GALNT1: variants seen among roughly 807,000 people sequenced by gnomAD.
GALNT1 encodes polypeptide N-acetylgalactosaminyltransferase 1, also known as GalNAc transferase 1.
In GALNT1, 17 loss-of-function variants were observed where a neutral mutation model predicts 65.7. That is an observed-to-expected ratio of 0.26 (90% CI 0.18 to 0.39). The LOEUF (loss-of-function observed/expected upper bound fraction) is 0.39, where lower values mean the gene tolerates loss of function less well. Among genes scored for constraint, GALNT1 ranks in the 10% least tolerant of loss-of-function variants. The pLI is 1.00. For missense variants in GALNT1, 460 were observed against 672.8 expected, an observed-to-expected ratio of 0.68 and a Z score of 3.50; for synonymous variants, 210 against 219.7, an observed-to-expected ratio of 0.96 and a Z score of 0.39.
chr18:35,632,232 A>C (rs1598789676), intron 1 of GALNT1, among the ~76,000 whole-genome samples: 2 of 152,170 alleles, frequency 1.3e-5, no homozygotes, highest in Non-Finnish European at 2.9e-5. Flanking sequence ...AAAAGAGCCC[A>C]CATTGTCAAG....
chr18:35,632,249 C>A (rs1322041167), intron 1 of GALNT1, among the ~76,000 whole-genome samples: 1 of 152,138 alleles, frequency 6.6e-6, no homozygotes, highest in African/African-American at 2.4e-5. Context: ...CAAGTCAATC[C>A]TAAGCCAAAA....
At chr18:35,595,082 G>A (rs912218704) in intron 1 of GALNT1, among the ~76,000 whole-genome samples, 20 of 151,760 alleles carry the variant, frequency 1.3e-4, no homozygotes, top group Admixed American at 7.2e-4. Context: ...TTTGGGATGG[G>A]GCCTAAATGA....
intron 4 of GALNT1, among the ~76,000 whole-genome samples, chr18:35,681,565 T>TGA (rs2047786796): frequency 6.6e-6 from 1 of 152,102 alleles, no homozygotes; most frequent in Non-Finnish European, 1.5e-5. Flanking sequence ...TAGATTGCTT[T>TGA]AGTTCTGAAG....
intron 5 of GALNT1, 45 bp from the exon 6 acceptor site, chr18:35,686,971 C>T: frequency 6.4e-7 from 1 of 1,562,088 alleles, no homozygotes; most frequent in Non-Finnish European, 8.7e-7. Flanking sequence ...TGGCATTAAA[C>T]AGGAATGTTT....
chr18:35,708,820 A>T (rs1466801827), intron 11 of GALNT1, among the ~76,000 whole-genome samples: 2 of 152,234 alleles, frequency 1.3e-5, no homozygotes, highest in African/African-American at 4.8e-5. Flanking sequence ...ATGTCTGTTA[A>T]CCATTTATTA....
At chr18:35,636,682 A>G (rs979309547) in intron 1 of GALNT1, among the ~76,000 whole-genome samples, 3 of 152,202 alleles carry the variant, frequency 2.0e-5, no homozygotes, top group Admixed American at 1.3e-4. Flanking sequence ...ATCATTGGAC[A>G]AAATAAATAT....
Position 35,606,821 on chromosome 18 carries a change from T to TTGTGTGTG in GALNT1, c.-104+25003_-104+25010dup, listed in dbSNP as rs10526510. ...CAGATCAGATCTCTTTGTTGATGTT[T>TTGTGTGTG]TGTGTGTGTGTGTGTGTGTGTGTGT... On this transcript the variant is annotated intron_variant, in intron 1 of 11. Coordinates refer to ENST00000269195, the MANE Select transcript of GALNT1 (RefSeq NM_020474.4). 2.5e-3 allele frequency among the ~76,000 whole-genome samples: 337 copies of TTGTGTGTG among 135,650 alleles called. 3 individuals are homozygous for TTGTGTGTG. Among genetic ancestry groups the TTGTGTGTG allele is most frequent in the African/African-American group, 4.7e-3 (168 of 35,414 alleles). The allele number at this position is 135,650 out of a possible 152,430, so 89.0% of individuals were successfully genotyped here. A position where few individuals can be genotyped will look rare whatever the true frequency, so the allele number is the denominator to read the frequency against.
intron 11 of GALNT1, among the ~76,000 whole-genome samples, chr18:35,705,514 G>A (rs2048242061): frequency 6.6e-6 from 1 of 152,166 alleles, no homozygotes; most frequent in African/African-American, 2.4e-5. Flanking sequence ...CATTGGAAAT[G>A]GCCTGAATGC....
chr18:35,673,947 T>G (rs1425215445), intron 3 of GALNT1, among the ~76,000 whole-genome samples: 3 of 152,198 alleles, frequency 2.0e-5, no homozygotes, highest in African/African-American at 7.2e-5. Flanking sequence ...ACTACACACC[T>G]AGGCTATATG....
chr18:35,583,566 C>T (rs1483052041), intron 1 of GALNT1, among the ~76,000 whole-genome samples: 1 of 152,142 alleles, frequency 6.6e-6, no homozygotes, highest in Non-Finnish European at 1.5e-5. Flanking sequence ...GCAATAAGCA[C>T]TTGGTATAAA....
At chr18:35,581,410 G>A (rs1189267924), upstream of GALNT1, 19 of 148,100 alleles carry the variant, frequency 1.3e-4, no homozygotes, top group African/African-American at 4.6e-4. Context: ...TGGGCTCGCC[G>A]CAGCGGAGGG....
chr18:35,634,132 C>T lies in GALNT1; in HGVS notation c.-103-20428C>T, dbSNP rs116865424. On this transcript the variant is annotated intron_variant, in intron 1 of 11. Transcript: ENST00000269195. ...AGAAATAATACCATTTAAAATTTAC[C>T]AAGTGTTTACTGTCATGTATGAGTG... 3.4e-4 allele frequency among the ~76,000 whole-genome samples: 52 copies of T among 152,182 alleles called. 1 individual carries two copies. The highest frequency in any genetic ancestry group is 6.3e-4 in the Non-Finnish European group (43 of 67,998).
chr18:35,629,534 C>A (rs1480779842), intron 1 of GALNT1, among the ~76,000 whole-genome samples: 7 of 152,130 alleles, frequency 4.6e-5, no homozygotes, highest in Non-Finnish European at 1.0e-4. Flanking sequence ...TTTGTCACCA[C>A]CAGGCCTGCC....
chr18:35,606,818 G>GTT (rs1352840038), intron 1 of GALNT1, among the ~76,000 whole-genome samples: 3 of 127,586 alleles, frequency 2.4e-5, no homozygotes, highest in African/African-American at 3.0e-5. Flanking sequence ...CTTTGTTGAT[G>GTT]TTTTGTGTGT....
At chr18:35,659,856 A>C (rs2047451082) in intron 2 of GALNT1, 1 of 152,188 alleles carries the variant, frequency 6.6e-6, no homozygotes, top group Non-Finnish European at 1.5e-5. Flanking sequence ...TTATATATGC[A>C]GCGCAGGTAA....
rs530834235 is a variant in GALNT1 at position 35,672,137 on chromosome 18, A to G, written c.315-5454A>G. Among the ~76,000 whole-genome samples, 3 of 152,300 alleles carry G rather than the reference A, an allele frequency of 2.0e-5. No homozygotes were observed. In the East Asian group the frequency reaches 5.8e-4, roughly 29 times the overall value. ...TCTATACCTCAGGTCCTTATCTCTAAGATAAAGAGAATTACAAGGGTGGTT... is the reference window on the plus strand; with the variant it reads ...TCTATACCTCAGGTCCTTATCTCTAGGATAAAGAGAATTACAAGGGTGGTT... On this transcript the variant is annotated intron_variant, in intron 3 of 11. Transcript: ENST00000269195.
intron 1 of GALNT1, among the ~76,000 whole-genome samples, chr18:35,633,708 A>G (rs2047052052): frequency 6.6e-6 from 1 of 152,132 alleles, no homozygotes; most frequent in Non-Finnish European, 1.5e-5. Flanking sequence ...AAAAAAAATT[A>G]TGTTGATTGG....
At chr18:35,597,824 T>C (rs2046523873) in intron 1 of GALNT1, among the ~76,000 whole-genome samples, 1 of 152,196 alleles carries the variant, frequency 6.6e-6, no homozygotes, top group South Asian at 2.1e-4. Flanking sequence ...AAGTTCATCT[T>C]TTCAACATAT....
chr18:35,622,026 T>G (rs1437821365), intron 1 of GALNT1, among the ~76,000 whole-genome samples: 1 of 152,166 alleles, frequency 6.6e-6, no homozygotes, highest in Non-Finnish European at 1.5e-5. Context: ...TGTTTAAAAT[T>G]GTAATGGCTT....
Sources: gnomAD v4.1 joint callset for allele counts (sites outside exome capture counted in the v4.1 genomes callset) on GRCh38, gnomAD v4.1.1 for gene constraint, MANE v1.5 for transcripts, NCBI Gene and HGNC (gene_info 2026-07-23, HGNC 2026-07-21) for gene names.